The following HEATR5A variants were observed in gnomAD, a reference collection of about 807,000 sequenced individuals.
HEATR5A encodes the protein HEAT repeat-containing protein 5A.
Under a neutral mutation model 218.8 loss-of-function variants are expected in HEATR5A, and 178 were observed. The observed-to-expected ratio is 0.81, with a 90% CI of 0.72 to 0.92. HEATR5A has a LOEUF of 0.92. Among genes scored for constraint, HEATR5A ranks in the 40% least tolerant of loss-of-function variants. The pLI is 0.00. For missense variants in HEATR5A, 2,420 were observed against 2,418.9 expected (o/e 1.00, Z -0.01); for synonymous variants, 864 against 871.6 (o/e 0.99, Z 0.15).
At chr14:31,362,606 C>CAAAA (rs71115003) in intron 14 of HEATR5A, among the ~76,000 whole-genome samples, 46 of 44,742 alleles carry the variant, frequency 1.0e-3, no homozygotes, top group Admixed American at 1.5e-3. Context: ...CTACAAATGA[C>CAAAA]AAAAAAAAAA....
chr14:31,321,547 TG>T lies in HEATR5A; in HGVS notation c.3920del (p.Pro1307GlnfsTer9), dbSNP rs768495248. 2 of 1,605,288 alleles carry T rather than the reference TG, an allele frequency of 1.2e-6. No individual in the cohort carries two copies. Among genetic ancestry groups the T allele is most frequent in the African/African-American group, 2.7e-5 (2 of 74,802 alleles). Reference sequence around the variant, plus strand: ...TCACATGACCTGGAAACTCTGGTTCTGGAACAGTTGCAAATCGCCGAATAAC... The same window carrying T: ...TCACATGACCTGGAAACTCTGGTTCTGAACAGTTGCAAATCGCCGAATAAC... Reference protein sequence around the residue: ...LVVIRRFATVPEPEFPGHVIL... With the variant: ...LVVIRRFATVXEPEFPGHVIL... On this transcript the variant is annotated frameshift_variant, in exon 25 of 36. Transcript: ENST00000543095. LOFTEE classifies it high-confidence loss of function.
rs1436756341 is a variant in HEATR5A, at chr14:31,315,880, G to A, written c.4108C>T (p.Leu1370Phe). The change falls in exon 27 of 36, where the codon CTT becomes TTT. Residue 1370 changes from leucine to phenylalanine, a missense_variant. Transcript: ENST00000543095. ...LNDLRRVHQL[L>F]VSSLTKIQAG... is the part of the protein sequence containing the mutation. ...TGTATTTTAGTTAACGATGAAACAA[G>A]CAACTGATGAACTCTTCGGAGATCA... is the stretch of plus-strand genomic sequence containing the variant. 9 of 1,600,892 alleles carry A rather than the reference G, an allele frequency of 5.6e-6. No homozygotes were observed. Among genetic ancestry groups the A allele is most frequent in the Non-Finnish European group, 7.7e-6 (9 of 1,173,282 alleles).
At chr14:31,415,381 C>G (rs1398607468) in intron 1 of HEATR5A, among the ~76,000 whole-genome samples, 5 of 152,314 alleles carry the variant, frequency 3.3e-5, no homozygotes, top group African/African-American at 1.2e-4. Context: ...AACATACCAT[C>G]TATTCCATCA....
At position 31,308,063 on chromosome 14, in the gene HEATR5A, T is replaced by C. The variant is rs371582599; in HGVS notation, c.4691-43A>G. On this transcript the variant is annotated intron_variant, in intron 29 of 35. Coordinates refer to ENST00000543095, the MANE Select transcript of HEATR5A (RefSeq NM_015473.4). ...AGAGGAGGAGGCTTCTTTCAAATTA[T>C]TAGTTTATGAAATTAAGTAATTAAT... The C allele has an allele frequency of 2.3e-5, 36 of 1,533,562 alleles. No individual in the cohort carries two copies. In the African/African-American group the frequency reaches 4.2e-4, roughly 18 times the overall value. 95.0% of individuals were successfully genotyped at this position (1,533,562 alleles called of 1,614,324 possible).
At chr14:31,392,551 T>G (rs1353851743) in intron 6 of HEATR5A, among the ~76,000 whole-genome samples, 6 of 152,222 alleles carry the variant, frequency 3.9e-5, no homozygotes, top group Admixed American at 3.9e-4. Flanking sequence ...GAATAATCAC[T>G]ATTAATTTAT....
At chr14:31,402,763 G>A in intron 2 of HEATR5A, 87 bp downstream of exon 2, 3 of 1,254,364 alleles carry the variant, frequency 2.4e-6, no homozygotes, top group Non-Finnish European at 2.2e-6. Flanking sequence ...GCTAAATTAG[G>A]TTATTCTGGA....
In HEATR5A at chr14:31,387,331, C is replaced by G; in HGVS notation, c.978G>C (p.Glu326Asp). 3 of 1,613,876 alleles carry G rather than the reference C, an allele frequency of 1.9e-6. No homozygotes were observed. Among genetic ancestry groups the G allele is most frequent in the Non-Finnish European group, 2.5e-6 (3 of 1,179,784 alleles). Residue 326 changes from glutamate to aspartate, a missense_variant, in exon 8 of 36, where the codon GAG (glutamate) becomes GAC (aspartate). By Grantham distance (45) the Glu-to-Asp change is conservative (BLOSUM62 2). Coordinates refer to ENST00000543095, the MANE Select transcript of HEATR5A (RefSeq NM_015473.4). ...FVSTLGGAWLEKNFAAFFSHI... is the reference protein window; with the variant it reads ...FVSTLGGAWLDKNFAAFFSHI... The stretch of plus-strand genomic sequence containing the variant: ...GAGAAAAAAAGGCAGCAAAATTTTT[C>G]TCTAGCCAAGCTCCTCCTAGTGTTG...
chr14:31,302,058 C>T (rs555953133), intron 33 of HEATR5A, among the ~76,000 whole-genome samples: 2 of 151,968 alleles, frequency 1.3e-5, no homozygotes, highest in South Asian at 2.1e-4. Flanking sequence ...TCCTGAACTC[C>T]TGACCTCAGG....
At chr14:31,403,454 G>A (rs76570241) in intron 1 of HEATR5A, among the ~76,000 whole-genome samples, 152 of 152,270 alleles carry the variant, frequency 1.0e-3, no homozygotes, top group Non-Finnish European at 2.0e-3. Context: ...GAATTCTATA[G>A]TAAAGCTTGC....
intron 6 of HEATR5A, among the ~76,000 whole-genome samples, chr14:31,393,040 A>G (rs922031261): frequency 3.9e-5 from 6 of 152,196 alleles, no homozygotes; most frequent in Non-Finnish European, 7.4e-5. Flanking sequence ...CAAATACAAT[A>G]AACTACAAGT....
Position 31,383,569 on chromosome 14 carries a change from C to T in HEATR5A, c.1548G>A (p.Leu516=), listed in dbSNP as rs1005766698. The change falls in exon 10 of 36, where the codon TTG becomes TTA. Residue 516 remains leucine (L), a synonymous_variant. Coordinates refer to ENST00000543095, the MANE Select transcript of HEATR5A (RefSeq NM_015473.4). The part of the protein sequence containing the change: ...TGFSFAVAAL[L]GAVKHCPLGI... ...CTAAAGGACAATGTTTTACTGCTCC[C>T]AACAAAGCTGCTACAGCAAAACTGA... 2 of 1,613,798 alleles carry T rather than the reference C, an allele frequency of 1.2e-6. No individual in the cohort carries two copies. Among genetic ancestry groups the T allele is most frequent in the Non-Finnish European group, 1.7e-6 (2 of 1,179,844 alleles).
At position 31,341,655 on chromosome 14, in the gene HEATR5A, TC is replaced by T. The variant is rs539275912; in HGVS notation, c.3228+2240del. Among the ~76,000 whole-genome samples the T allele has an allele frequency of 1.6e-4, 25 of 152,236 alleles. No homozygotes were observed. In the South Asian group the frequency reaches 5.2e-3, roughly 32 times the overall value. ...CTCAAATGATCCTTCTACCTTGACC[TC>T]CCAAAGCGCTGGAACTACAGGTATG... On this transcript the variant is annotated intron_variant, in intron 21 of 35. Coordinates refer to ENST00000543095, the MANE Select transcript of HEATR5A (RefSeq NM_015473.4).
rs567543563 is a variant in HEATR5A, at chr14:31,342,204, T to C, written c.3228+1692A>G. 2.8e-4 allele frequency among the ~76,000 whole-genome samples: 43 copies of C among 151,998 alleles called. 2 individuals carry two copies. In the South Asian group the frequency reaches 5.4e-3, roughly 19 times the overall value. ...AAGTTCAAGACCAGCCTGGGTAACA[T>C]AGCAAGACCCTGTCTCTACAAAAAA... On this transcript the variant is annotated intron_variant, in intron 21 of 35. Transcript: ENST00000543095.
Position 31,344,022 on chromosome 14 carries a change from C to T in HEATR5A, c.3102G>A (p.Leu1034=), listed in dbSNP as rs1900930770. The change falls in exon 21 of 36, where the codon CTG becomes CTA. Residue 1034 remains leucine, a synonymous_variant. Transcript: ENST00000543095. The part of the protein sequence containing the change: ...SISTLRTSCL[L]GCAVMQDNPD... The stretch of plus-strand genomic sequence containing the variant: ...GGTTATCTTGCATTACTGCACAACC[C>T]AGTAGACAGGAAGTCCTTAAGGTAG... 1.3e-6 allele frequency: 2 copies of T among 1,588,580 alleles called. No individual in the cohort carries two copies. The highest frequency in any genetic ancestry group is 1.4e-5 in the African/African-American group (1 of 74,010).
chr14:31,414,600 C>G (rs921958702), intron 1 of HEATR5A, among the ~76,000 whole-genome samples: 1 of 152,162 alleles, frequency 6.6e-6, no homozygotes, highest in African/African-American at 2.4e-5. Context: ...CAGGAGAGGC[C>G]AGAAATTCTT....
At chr14:31,378,181 G>A (rs547202275) in intron 11 of HEATR5A, among the ~76,000 whole-genome samples, 3 of 152,208 alleles carry the variant, frequency 2.0e-5, no homozygotes, top group African/African-American at 7.2e-5. Context: ...TCTGTAAAGG[G>A]GCAGATAGTA....
chr14:31,345,047 T>G, intron 20 of HEATR5A, 40 bp downstream of exon 20: 3 of 1,533,428 alleles, frequency 2.0e-6, no homozygotes, highest in Admixed American at 4.0e-5. Flanking sequence ...TTATGTGTAT[T>G]ATTTTTAATG....
intron 1 of HEATR5A, among the ~76,000 whole-genome samples, chr14:31,412,226 A>G (rs1170769748): frequency 6.6e-6 from 1 of 152,194 alleles, no homozygotes; most frequent in Non-Finnish European, 1.5e-5. Flanking sequence ...TCATACTTCT[A>G]CTTAAAAGAG....
Position 31,345,113 on chromosome 14 carries a change from A to G in HEATR5A, c.3032T>C (p.Ile1011Thr), listed in dbSNP as rs1727347399. Residue 1011 changes from isoleucine (I) to threonine (T), a missense_variant, in exon 20 of 36, where the codon ATT becomes ACT. Transcript: ENST00000543095. ...TTGTAGCTCTGGACCTAACGTGGTA[A>G]TAAGGGCATTCAAACAGCGACCAAG... ...QSLGRCLNALITTLGPELQGN... is the reference protein window; with the variant it reads ...QSLGRCLNALTTTLGPELQGN... 1 of 1,613,668 alleles carries G rather than the reference A, an allele frequency of 6.2e-7. No homozygotes were observed. The highest frequency in any genetic ancestry group is 1.7e-5 in the Admixed American group (1 of 59,916).
Sources: gnomAD v4.1 joint callset for allele counts (sites outside exome capture counted in the v4.1 genomes callset) on GRCh38, gnomAD v4.1.1 for gene constraint, MANE v1.5 for transcripts, NCBI Gene and HGNC (gene_info 2026-07-23, HGNC 2026-07-21) for gene names.